BRIP1: variants seen among roughly 807,000 people sequenced by gnomAD.
BRIP1 encodes BRCA1 interacting DNA helicase 1, also known as Fanconi anemia group J protein.
A neutral mutation model predicts 119.7 loss-of-function variants in BRIP1; 88 were observed. The ratio of observed to expected loss-of-function variants is 0.74; its 90% CI spans 0.62 to 0.88. The LOEUF (loss-of-function observed/expected upper bound fraction) is 0.88. BRIP1 is among the 40% of genes least tolerant of loss of function. BRIP1 has a pLI of 0.00. For missense variants in BRIP1, 1,259 were observed against 1,455.4 expected, an observed-to-expected ratio of 0.87 and a Z score of 2.20; for synonymous variants, 443 against 496.5, an observed-to-expected ratio of 0.89 and a Z score of 1.43.
chr17:61,792,817 G>A (rs2077839343), intron 10 of BRIP1, among the ~76,000 whole-genome samples: 1 of 152,108 alleles, frequency 6.6e-6, no homozygotes, highest in Non-Finnish European at 1.5e-5. Flanking sequence ...GGTAACCTAT[G>A]GACTTTAATG....
At chr17:61,707,701 G>C (rs981972930) in intron 17 of BRIP1, among the ~76,000 whole-genome samples, 2 of 151,980 alleles carry the variant, frequency 1.3e-5, no homozygotes, top group African/African-American at 4.8e-5. Context: ...GTTTCATGGA[G>C]GCAATATGGT....
At position 61,801,393 on chromosome 17, in the gene BRIP1, C is replaced by T. The variant is rs535414791; in HGVS notation, c.1000G>A (p.Ala334Thr). 2.0e-5 allele frequency: 32 copies of T among 1,613,998 alleles called. No individual in the cohort carries two copies. Among genetic ancestry groups the T allele is most frequent in the African/African-American group, 9.3e-5 (7 of 75,032 alleles). The stretch of plus-strand genomic sequence containing the variant: ...CTGACAAGTTCTTCTATATCCCAGG[C>T]TTTGCACATCCCTTGGAAAGTCTGT... ...TLQTFQGMCK[A>T]WDIEELVSLG... Residue 334 changes from alanine (A) to threonine (T), a missense_variant, in exon 8 of 20, where the codon GCC (alanine) becomes ACC (threonine). Ala to Thr is a moderately conservative substitution (Grantham distance 58, BLOSUM62 0). Coordinates refer to ENST00000259008, the MANE Select transcript of BRIP1 (RefSeq NM_032043.3).
rs1012587202 is a variant in BRIP1, at chr17:61,822,109, T to A, written c.628-13352A>T. Among the ~76,000 whole-genome samples, 5 of 152,076 alleles carry A rather than the reference T, an allele frequency of 3.3e-5. No individual in the cohort carries two copies. The highest frequency in any genetic ancestry group is 9.7e-5 in the African/African-American group (4 of 41,410). On this transcript the variant is annotated intron_variant, in intron 6 of 19. Transcript: ENST00000259008. The surrounding 1 kb of genome is among the most constrained non-coding windows in gnomAD (Gnocchi z 4.4). ...TGACTGGTTTTTGATGTGAAAAATATAAATTAATGAATGAAATGTCTTCCC... is the reference window on the plus strand; with the variant it reads ...TGACTGGTTTTTGATGTGAAAAATAAAAATTAATGAATGAAATGTCTTCCC...
Position 61,805,986 on chromosome 17 carries a change from T to G in BRIP1, c.918+2481A>C, listed in dbSNP as rs1430347489. On this transcript the variant is annotated intron_variant, in intron 7 of 19. Coordinates refer to ENST00000259008, the MANE Select transcript of BRIP1 (RefSeq NM_032043.3). The surrounding 1 kb of genome is among the most constrained non-coding windows in gnomAD (Gnocchi z 5.6). The stretch of plus-strand genomic sequence containing the variant: ...CTTAACTGAAACAAAAATTAACTTT[T>G]AACAGATAAGTGCATACTTTTCCAG... Among the ~76,000 whole-genome samples the G allele has an allele frequency of 1.3e-5, 2 of 152,240 alleles. No individual in the cohort carries two copies. Among genetic ancestry groups the G allele is most frequent in the Non-Finnish European group, 2.9e-5 (2 of 68,036 alleles).
rs940104231 is a variant in BRIP1 at position 61,816,323 on chromosome 17, AAC to A, written c.628-7568_628-7567del. Among the ~76,000 whole-genome samples, 2 of 152,240 alleles carry A rather than the reference AAC, an allele frequency of 1.3e-5. No homozygotes were observed. The highest frequency in any genetic ancestry group is 2.4e-5 in the African/African-American group (1 of 41,466). On this transcript the variant is annotated intron_variant, in intron 6 of 19. Transcript: ENST00000259008. The surrounding 1 kb of genome is among the most constrained non-coding windows in gnomAD (Gnocchi z 5.0). ...GCTCTAAAGTTCAGACTCTGATTGT[AAC>A]AGACTGCCAGTCTCCTGGAATGTGT...
At chr17:61,727,128 A>G (rs2076776131) in intron 16 of BRIP1, among the ~76,000 whole-genome samples, 1 of 152,236 alleles carries the variant, frequency 6.6e-6, no homozygotes, top group South Asian at 2.1e-4. Flanking sequence ...CTTCTACCTT[A>G]TATAACACTG....
Position 61,751,403 on chromosome 17 carries a change from T to C in BRIP1, c.2098-6812A>G, listed in dbSNP as rs1391312870. 6.6e-6 allele frequency among the ~76,000 whole-genome samples: 1 copy of C among 152,188 alleles called. No individual in the cohort carries two copies. Among genetic ancestry groups the C allele is most frequent in the Non-Finnish European group, 1.5e-5 (1 of 68,042 alleles). The stretch of plus-strand genomic sequence containing the variant: ...ATGATTGAAAAGTTTTGGAAAGGGA[T>C]ACTGGTGATGGTTGTACAACATCAT... On this transcript the variant is annotated intron_variant, in intron 14 of 19. Transcript: ENST00000259008. The surrounding 1 kb of genome is among the most constrained non-coding windows in gnomAD (Gnocchi z 6.7).
rs530625970 is a variant in BRIP1, at chr17:61,785,935, G to A, written c.1474-1511C>T. Among the ~76,000 whole-genome samples the A allele has an allele frequency of 2.6e-5, 4 of 151,310 alleles. No individual in the cohort carries two copies. The East Asian group carries it at 7.8e-4, about 29-fold the overall frequency. On this transcript the variant is annotated intron_variant, in intron 10 of 19. Coordinates refer to ENST00000259008, the MANE Select transcript of BRIP1 (RefSeq NM_032043.3). ...ACACATTGGCAGCTGGGTTGGGGGG[G>A]GTAGAAAAATAGAAAACTAAGCAAT...
At position 61,759,587 on chromosome 17, in the gene BRIP1, ACAGGCATAC is replaced by A. The variant is rs2077248113; in HGVS notation, c.2098-15005_2098-14997del. ...GACCAAATGGACCTAACAGGCATTTACAGGCATACCTTGGAGATATTGTAGGTTCAGTTT... is the reference window on the plus strand; with the variant it reads ...GACCAAATGGACCTAACAGGCATTTACTTGGAGATATTGTAGGTTCAGTTT... On this transcript the variant is annotated intron_variant, in intron 14 of 19. Coordinates refer to ENST00000259008, the MANE Select transcript of BRIP1 (RefSeq NM_032043.3). The surrounding 1 kb of genome is among the most constrained non-coding windows in gnomAD (Gnocchi z 4.9). Among the ~76,000 whole-genome samples, 1 of 152,148 alleles carries A rather than the reference ACAGGCATAC, an allele frequency of 6.6e-6. No individual in the cohort carries two copies. Among genetic ancestry groups the A allele is most frequent in the Non-Finnish European group, 1.5e-5 (1 of 67,984 alleles).
intron 16 of BRIP1, among the ~76,000 whole-genome samples, chr17:61,733,214 ATC>A (rs1328259385): frequency 6.6e-6 from 1 of 152,164 alleles, no homozygotes; most frequent in Non-Finnish European, 1.5e-5. Context: ...TTAAAAAGAA[ATC>A]TGTTAGATTT....
In BRIP1 at chr17:61,822,060, A is replaced by G. The variant is rs936125831; in HGVS notation, c.628-13303T>C. On this transcript the variant is annotated intron_variant, in intron 6 of 19. Transcript: ENST00000259008. The surrounding 1 kb of genome is among the most constrained non-coding windows in gnomAD (Gnocchi z 4.4). The stretch of plus-strand genomic sequence containing the variant: ...GCCACCAGTAAAAGAACTAAATGAC[A>G]GAAGACATAATAAAAACCTCGTGTG... Among the ~76,000 whole-genome samples the G allele has an allele frequency of 1.3e-5, 2 of 152,386 alleles. No homozygotes were observed. The highest frequency in any genetic ancestry group is 1.9e-4 in the East Asian group (1 of 5,194).
rs1381159986 is a variant in BRIP1, at chr17:61,739,030, A to C, written c.2379+3983T>G. On this transcript the variant is annotated intron_variant, in intron 16 of 19. Transcript: ENST00000259008. This position sits in a 1 kb window ranked among gnomAD's most constrained non-coding sequence, Gnocchi z 6.0. ...CTCATATGTAGGGTCCAAGGAAGAG[A>C]GAGGACATAGGCAAAAATGGAAATA... 1 of 164,352 alleles carries C rather than the reference A, an allele frequency of 6.1e-6. No individual in the cohort carries two copies. The highest frequency in any genetic ancestry group is 1.3e-5 in the Non-Finnish European group (1 of 75,304). 10.2% of individuals were successfully genotyped at this position (164,352 alleles called of 1,614,324 possible).
chr17:61,850,514 G>C (rs1421319957), intron 4 of BRIP1, among the ~76,000 whole-genome samples: 2 of 152,138 alleles, frequency 1.3e-5, no homozygotes, highest in Non-Finnish European at 2.9e-5. Context: ...TACATGAGCA[G>C]GTCCAATACT....
Position 61,759,959 on chromosome 17 carries a change from C to T in BRIP1, c.2098-15368G>A, listed in dbSNP as rs1370185631. Among the ~76,000 whole-genome samples the T allele has an allele frequency of 6.6e-6, 1 of 150,814 alleles. No homozygotes were observed. The highest frequency in any genetic ancestry group is 1.5e-5 in the Non-Finnish European group (1 of 67,738). ...CACAATAAAATAAGGTATTCCTGTA[C>T]AGAATATCCCATTCAAGAGCAACAG... On this transcript the variant is annotated intron_variant, in intron 14 of 19. Coordinates refer to ENST00000259008, the MANE Select transcript of BRIP1 (RefSeq NM_032043.3). The surrounding 1 kb of genome is among the most constrained non-coding windows in gnomAD (Gnocchi z 4.9).
In BRIP1 at chr17:61,740,047, C is replaced by T. The variant is rs2076966612; in HGVS notation, c.2379+2966G>A. On this transcript the variant is annotated intron_variant, in intron 16 of 19. Coordinates refer to ENST00000259008, the MANE Select transcript of BRIP1 (RefSeq NM_032043.3). The surrounding 1 kb of genome is among the most constrained non-coding windows in gnomAD (Gnocchi z 5.4). ...GTAGTAGACACCAAACAGCACAAGACAGTAATTCTGGAGCTAAGTGGAATT... is the reference window on the plus strand; with the variant it reads ...GTAGTAGACACCAAACAGCACAAGATAGTAATTCTGGAGCTAAGTGGAATT... 6.6e-6 allele frequency among the ~76,000 whole-genome samples: 1 copy of T among 152,106 alleles called. No individual in the cohort carries two copies. Among genetic ancestry groups the T allele is most frequent in the Admixed American group, 6.5e-5 (1 of 15,268 alleles).
In BRIP1 at chr17:61,793,629, C is replaced by A. The variant is rs587780229; in HGVS notation, c.1441G>T (p.Gly481Cys). Residue 481 changes from glycine to cysteine, a missense_variant, in exon 10 of 20, where the codon GGT becomes TGT. This residue lies in a region of BRIP1 where 753 missense variants were observed against 891.8 expected (regional missense o/e 0.84). Transcript: ENST00000259008. This position sits in a 1 kb window ranked among gnomAD's most constrained non-coding sequence, Gnocchi z 5.2. ...NEMLLTLHKM[G>C]ITTATFPILQ... ...ATGGGAAAAGTAGCAGTGGTGATACCCATTTTGTGTAAAGTTAAGAGCATT... is the reference window on the plus strand; with the variant it reads ...ATGGGAAAAGTAGCAGTGGTGATACACATTTTGTGTAAAGTTAAGAGCATT... The A allele has an allele frequency of 3.8e-5, 61 of 1,607,944 alleles. No individual in the cohort carries two copies. Among genetic ancestry groups the A allele is most frequent in the African/African-American group, 5.4e-5 (4 of 74,762 alleles).
In BRIP1 at chr17:61,803,578, A is replaced by C. The variant is rs2078028362; in HGVS notation, c.919-2104T>G. Among the ~76,000 whole-genome samples, 1 of 151,966 alleles carries C rather than the reference A, an allele frequency of 6.6e-6. No individual in the cohort carries two copies. The highest frequency in any genetic ancestry group is 1.5e-5 in the Non-Finnish European group (1 of 67,970). On this transcript the variant is annotated intron_variant, in intron 7 of 19. Coordinates refer to ENST00000259008, the MANE Select transcript of BRIP1 (RefSeq NM_032043.3). This position sits in a 1 kb window ranked among gnomAD's most constrained non-coding sequence, Gnocchi z 4.3. ...AATTAAACCGCAGTGAGCAGTGACC[A>C]CGCCACTGCACTCCAGCCTGGGCAA...
chr17:61,753,680 T>C lies in BRIP1; in HGVS notation c.2098-9089A>G, dbSNP rs1470094874. Reference sequence around the variant, plus strand: ...GCAGTGGTGTGATCACAGCTCATTGTAGCCTCACATTCCTGGGCTCAAGCG... The same window carrying C: ...GCAGTGGTGTGATCACAGCTCATTGCAGCCTCACATTCCTGGGCTCAAGCG... On this transcript the variant is annotated intron_variant, in intron 14 of 19. Transcript: ENST00000259008. The surrounding 1 kb of genome is among the most constrained non-coding windows in gnomAD (Gnocchi z 4.6). 6.6e-6 allele frequency among the ~76,000 whole-genome samples: 1 copy of C among 151,836 alleles called. No individual in the cohort carries two copies. Among genetic ancestry groups the C allele is most frequent in the Non-Finnish European group, 1.5e-5 (1 of 67,964 alleles).
rs1439254097 is a variant in BRIP1 at position 61,693,383 on chromosome 17, A to G, written c.2575+47T>C. 2 of 1,487,678 alleles carry G rather than the reference A, an allele frequency of 1.3e-6. No homozygotes were observed. The highest frequency in any genetic ancestry group is 4.5e-5 in the East Asian group (2 of 44,186). 92.2% of individuals were successfully genotyped at this position (1,487,678 alleles called of 1,614,324 possible). A position where few individuals can be genotyped will look rare whatever the true frequency, so the allele number is the denominator to read the frequency against. On this transcript the variant is annotated intron_variant, in intron 18 of 19. Coordinates refer to ENST00000259008, the MANE Select transcript of BRIP1 (RefSeq NM_032043.3). The surrounding 1 kb of genome is among the most constrained non-coding windows in gnomAD (Gnocchi z 4.2). Reference sequence around the variant, plus strand: ...ATGTGTTTTTCACCACAATAAAAATATGAAGATTGTTACTAGTTTTTACTC... The same window carrying G: ...ATGTGTTTTTCACCACAATAAAAATGTGAAGATTGTTACTAGTTTTTACTC...
Sources: allele counts gnomAD v4.1 joint callset (sites outside exome capture counted in the v4.1 genomes callset), GRCh38; gene constraint gnomAD v4.1.1; regional missense constraint gnomAD v4.1.1; non-coding constraint Gnocchi (gnomAD v3.1); transcripts MANE v1.5; gene names NCBI Gene and HGNC (gene_info 2026-07-23, HGNC 2026-07-21).